Variants in ZFYVE26 observed in about 807,000 individuals in gnomAD.
ZFYVE26 encodes zinc finger FYVE-type containing 26.
A neutral mutation model predicts 276.5 loss-of-function variants in ZFYVE26; 181 were observed. That is an observed-to-expected ratio of 0.65 (90% CI 0.58 to 0.74). ZFYVE26 has a LOEUF of 0.74. ZFYVE26 is among the 30% of genes least tolerant of loss of function. The probability of loss-of-function intolerance (pLI) is 0.00; values close to 1 mark genes in which losing one functional copy is unlikely to be tolerated. For synonymous variants in ZFYVE26, 1,129 were observed against 1,203.1 expected (o/e 0.94, Z 1.27); for missense variants, 2,821 against 3,097.9 (o/e 0.91, Z 2.12).
rs1209412244 is a variant in ZFYVE26, at chr14:67,760,819, CT to C, written c.6588+546del. ...AAGATGTAATGTTCTTCAGTGGTGCCTTTGCTTCCAGTGGGAGGGGGGCAGA... is the reference window on the plus strand; with the variant it reads ...AAGATGTAATGTTCTTCAGTGGTGCCTTGCTTCCAGTGGGAGGGGGGCAGA... On this transcript the variant is annotated intron_variant, in intron 35 of 41. Transcript: ENST00000347230. 2.1e-5 allele frequency: 4 copies of C among 190,416 alleles called. No homozygotes were observed. In the Admixed American group the frequency reaches 2.1e-4, roughly 10 times the overall value. 11.8% of individuals were successfully genotyped at this position (190,416 alleles called of 1,614,324 possible). A position where few individuals can be genotyped will look rare whatever the true frequency, so the allele number is the denominator to read the frequency against.
rs142439353 is a variant in ZFYVE26 at position 67,760,260 on chromosome 14, A to T, written c.6588+1106T>A. On this transcript the variant is annotated intron_variant, in intron 35 of 41. Coordinates refer to ENST00000347230, the MANE Select transcript of ZFYVE26 (RefSeq NM_015346.4). The stretch of plus-strand genomic sequence containing the variant: ...GAAAAGGAAAAAAGTTAGCAACTCA[A>T]CTCCATATAACATGACTTCTACATT... 7.6e-4 allele frequency among the ~76,000 whole-genome samples: 115 copies of T among 152,204 alleles called. 5 individuals carry two copies. In the East Asian group the frequency reaches 0.022, roughly 29 times the overall value.
At chr14:67,753,374 T>C (rs556864020) in intron 39 of ZFYVE26, among the ~76,000 whole-genome samples, 45 of 152,284 alleles carry the variant, frequency 3.0e-4, no homozygotes, top group Admixed American at 9.1e-4. Flanking sequence ...TTGTGGCCAG[T>C]GGAAAGCCCC....
At position 67,748,284 on chromosome 14, in the gene ZFYVE26, C is replaced by T; in HGVS notation, c.*152G>A. The T allele has an allele frequency of 2.4e-6, 2 of 822,864 alleles. No homozygotes were observed. Among genetic ancestry groups the T allele is most frequent in the Non-Finnish European group, 3.7e-6 (2 of 533,360 alleles). The allele number at this position is 822,864 out of a possible 1,614,324, so 51.0% of individuals were successfully genotyped here. ...CTTGCGTGAAAGGTCCTATCCTTGC[C>T]CGGGAAGGCAAGTAGGGTCCAATCC... On this transcript the variant is annotated 3_prime_UTR_variant, in exon 42 of 42. Coordinates refer to ENST00000347230, the MANE Select transcript of ZFYVE26 (RefSeq NM_015346.4).
chr14:67,793,255 T>TCAAACAAACAAACAAA (rs112741778), intron 14 of ZFYVE26, among the ~76,000 whole-genome samples: 2 of 151,162 alleles, frequency 1.3e-5, no homozygotes, highest in African/African-American at 4.9e-5. Flanking sequence ...AGACTCTGTC[T>TCAAACAAACAAACAAA]CAAACAAACA....
At chr14:67,799,112 G>A in intron 10 of ZFYVE26, 1 of 1,334,492 alleles carries the variant, frequency 7.5e-7, no homozygotes, top group Non-Finnish European at 1.1e-6. Context: ...CCAAGACCTA[G>A]ACTAGGAGGC....
intron 16 of ZFYVE26, among the ~76,000 whole-genome samples, chr14:67,788,392 T>C (rs2039711516): frequency 6.6e-6 from 1 of 152,160 alleles, no homozygotes; most frequent in Admixed American, 6.6e-5. Context: ...CGAGATTCTA[T>C]CTCAAAAACA....
chr14:67,797,572 C>T (rs919103763), intron 12 of ZFYVE26, 100 bp downstream of exon 12: 21 of 1,311,556 alleles, frequency 1.6e-5, no homozygotes, highest in Admixed American at 9.6e-5. Flanking sequence ...AATTTTACAA[C>T]GCTTTTGTTG....
At position 67,779,354 on chromosome 14, in the gene ZFYVE26, G is replaced by A. The variant is rs2295105; in HGVS notation, c.4674+887C>T. On this transcript the variant is annotated intron_variant, in intron 23 of 41. Transcript: ENST00000347230. ...AAGGTGGGCAGATCACTTGAGGTCA[G>A]GAGTTCAAAACCAGCCTGGCCAACA... is the stretch of plus-strand genomic sequence containing the variant. Among the ~76,000 whole-genome samples the A allele has an allele frequency of 5.2e-3, 786 of 152,278 alleles. 5 individuals are homozygous for A. Among genetic ancestry groups the A allele is most frequent in the East Asian group, 0.014 (72 of 5,174 alleles).
chr14:67,794,280 T>A, intron 12 of ZFYVE26, 41 bp from the exon 13 acceptor site: 1 of 1,591,510 alleles, frequency 6.3e-7, no homozygotes, highest in Non-Finnish European at 8.6e-7. Flanking sequence ...AATTATCAGC[T>A]CCTTATAGAG....
At chr14:67,777,459 G>A in intron 25 of ZFYVE26, 100 bp downstream of exon 25, 1 of 1,588,672 alleles carries the variant, frequency 6.3e-7, no homozygotes. Context: ...AGAAGAGCTA[G>A]GCTCGCAGTC....
rs1172534419 is a variant in ZFYVE26 at position 67,815,971 on chromosome 14, GCA to G, written c.-10_-9del. ...TCCAAATGGATGATTCATTTTCCCAGCACAGAGTGCAGGGAGATACAAAGAAA... is the reference window on the plus strand; with the variant it reads ...TCCAAATGGATGATTCATTTTCCCAGCAGAGTGCAGGGAGATACAAAGAAA... On this transcript the variant is annotated 5_prime_UTR_variant, in exon 2 of 42. Coordinates refer to ENST00000347230, the MANE Select transcript of ZFYVE26 (RefSeq NM_015346.4). The G allele has an allele frequency of 1.9e-6, 3 of 1,605,598 alleles. No individual in the cohort carries two copies. The highest frequency in any genetic ancestry group is 2.7e-5 in the African/African-American group (2 of 74,648).
chr14:67,756,212 C>G, intron 35 of ZFYVE26, 67 bp from the exon 36 acceptor site: 1 of 1,531,072 alleles, frequency 6.5e-7, no homozygotes, highest in Non-Finnish European at 9.0e-7. Context: ...GGGATCCACT[C>G]TGAATTTCCT....
chr14:67,751,213 C>CTT, intron 40 of ZFYVE26, 117 bp from the exon 41 acceptor site: 2 of 1,161,140 alleles, frequency 1.7e-6, no homozygotes, highest in Non-Finnish European at 2.5e-6. Flanking sequence ...GTCTGCCTGA[C>CTT]TTTTTTTTTC....
At chr14:67,750,559 G>T (rs1025765857) in intron 41 of ZFYVE26, 4 of 190,956 alleles carry the variant, frequency 2.1e-5, no homozygotes, top group Admixed American at 1.1e-4. Context: ...CCCAAACAGG[G>T]ACGAGTTCTT....
chr14:67,797,690 T>C lies in ZFYVE26; in HGVS notation c.2314A>G (p.Thr772Ala). 6.2e-7 allele frequency: 1 copy of C among 1,614,186 alleles called. No homozygotes were observed. The highest frequency in any genetic ancestry group is 1.1e-5 in the South Asian group (1 of 91,074). Reference sequence around the variant, plus strand: ...AGATTACCTGCCTGGCTCCTTCTTGTCCGACGACCCCGGCGGAGACTGGGG... The same window carrying C: ...AGATTACCTGCCTGGCTCCTTCTTGCCCGACGACCCCGGCGGAGACTGGGG... ...RHPSLRRGRR[T>A]RRSQADGRDR... The change falls in exon 12 of 42, where the codon ACA (threonine) becomes GCA (alanine). Residue 772 changes from threonine (T) to alanine (A), a missense_variant. Transcript: ENST00000347230.
intron 13 of ZFYVE26, among the ~76,000 whole-genome samples, chr14:67,735,855 T>C (rs112857787): frequency 5.3e-5 from 8 of 152,184 alleles, no homozygotes; most frequent in African/African-American, 1.9e-4. Flanking sequence ...CAAAGAGACA[T>C]ATGAAACTCA....
chr14:67,735,127 A>G (rs1388138509), intron 13 of ZFYVE26: 4 of 800,760 alleles, frequency 5.0e-6, no homozygotes, highest in South Asian at 2.7e-5. Flanking sequence ...AATGATAGGC[A>G]TGGGTGTTGA....
Position 67,798,290 on chromosome 14 carries a change from G to C in ZFYVE26, c.1972C>G (p.Pro658Ala). The change falls in exon 11 of 42, where the codon CCA becomes GCA. Residue 658 changes from proline (P) to alanine (A), a missense_variant. By Grantham distance (27) the Pro-to-Ala change is conservative (BLOSUM62 -1). Coordinates refer to ENST00000347230, the MANE Select transcript of ZFYVE26 (RefSeq NM_015346.4). Reference sequence around the variant, plus strand: ...AAAAAGCTGTGCCTATGAGGCCCTGGGTAACTGTCTTTTGGCTCTGCCTTC... The same window carrying C: ...AAAAAGCTGTGCCTATGAGGCCCTGCGTAACTGTCTTTTGGCTCTGCCTTC... ...HVKAEPKDSY[P>A]GPHRHSFLDL... is the part of the protein sequence containing the mutation. The C allele has an allele frequency of 6.2e-7, 1 of 1,614,138 alleles. No individual in the cohort carries two copies.
At chr14:67,732,710 G>T (rs1253642528) in intron 13 of ZFYVE26, among the ~76,000 whole-genome samples, 1 of 152,092 alleles carries the variant, frequency 6.6e-6, no homozygotes, top group Non-Finnish European at 1.5e-5. Flanking sequence ...CCAAGTAGCT[G>T]GGATTACGGG....
Sources: gnomAD v4.1 joint callset for allele counts (sites outside exome capture counted in the v4.1 genomes callset) on GRCh38, gnomAD v4.1.1 for gene constraint, MANE v1.5 for transcripts, NCBI Gene and HGNC (gene_info 2026-07-23, HGNC 2026-07-21) for gene names.